GNAQ: variants seen among roughly 807,000 people sequenced by gnomAD.
GNAQ encodes guanine nucleotide-binding protein G(q) subunit alpha.
In GNAQ, 8 loss-of-function variants were observed where a neutral mutation model predicts 43.9. The ratio of observed to expected loss-of-function variants is 0.18; its 90% CI spans 0.11 to 0.33. GNAQ has a LOEUF of 0.33. Ranked by LOEUF, GNAQ falls within the 10% of genes least tolerant of loss-of-function variation. The probability of loss-of-function intolerance (pLI) is 1.00; values close to 1 mark genes in which losing one functional copy is unlikely to be tolerated. For synonymous variants in GNAQ, 155 were observed against 170.7 expected (o/e 0.91, Z 0.71); for missense variants, 158 against 450.8 (o/e 0.35, Z 5.88).
rs1825247246 is a variant in GNAQ, at chr9:77,717,672, A to G, written c.*3651T>C. On this transcript the variant is annotated 3_prime_UTR_variant, in exon 7 of 7. Transcript: ENST00000286548. ...CAATCAAGATAGTCTGAAGTACAAA[A>G]AAGTAAATTGCCCTTTAGCTGAATT... 4.3e-6 allele frequency: 1 copy of G among 232,396 alleles called. No homozygotes were observed. The highest frequency in any genetic ancestry group is 5.6e-5 in the Admixed American group (1 of 17,762). The allele number at this position is 232,396 out of a possible 1,614,324, so 14.4% of individuals were successfully genotyped here.
At chr9:77,883,737 A>G (rs565970374) in intron 2 of GNAQ, among the ~76,000 whole-genome samples, 4 of 151,990 alleles carry the variant, frequency 2.6e-5, no homozygotes, top group Non-Finnish European at 5.9e-5. Flanking sequence ...GGACCAGGGT[A>G]CAATCAGAGT....
intron 1 of GNAQ, among the ~76,000 whole-genome samples, chr9:77,975,532 C>A (rs1029431586): frequency 7.1e-6 from 1 of 140,616 alleles, no homozygotes; most frequent in East Asian, 2.2e-4. Flanking sequence ...GTTATCAGCC[C>A]CCCCTTTTTT....
At position 77,797,549 on chromosome 9, in the gene GNAQ, G is replaced by A. The variant is rs2118455361; in HGVS notation, c.576C>T (p.Tyr192=). Residue 192 remains tyrosine, a synonymous_variant, in exon 4 of 7, where the codon TAC becomes TAT. Transcript: ENST00000286548. ...VRVPTTGIIE[Y]PFDLQSVIFR... ...AAATGACACTTTGTAAGTCAAAGGG[G>A]TATTCGATGATCCCTGTGGTGGGGA... The A allele has an allele frequency of 6.2e-7, 1 of 1,612,496 alleles. No homozygotes were observed. Among genetic ancestry groups the A allele is most frequent in the South Asian group, 1.1e-5 (1 of 91,038 alleles).
chr9:77,907,859 A>C (rs1828736507), intron 2 of GNAQ, among the ~76,000 whole-genome samples: 1 of 152,164 alleles, frequency 6.6e-6, no homozygotes, highest in Non-Finnish European at 1.5e-5. Flanking sequence ...AGACAGCTGG[A>C]GTGGCCACAG....
At chr9:77,840,257 T>C (rs1827466642) in intron 2 of GNAQ, among the ~76,000 whole-genome samples, 1 of 152,154 alleles carries the variant, frequency 6.6e-6, no homozygotes, top group Admixed American at 6.5e-5. Flanking sequence ...CAAAAAACAA[T>C]GAATGAATTA....
At chr9:77,831,342 A>G (rs922955365) in intron 2 of GNAQ, among the ~76,000 whole-genome samples, 1 of 152,182 alleles carries the variant, frequency 6.6e-6, no homozygotes, top group Non-Finnish European at 1.5e-5. Flanking sequence ...AATTAGGACC[A>G]TATGCAGTTT....
intron 1 of GNAQ, among the ~76,000 whole-genome samples, chr9:77,998,059 C>T (rs956706781): frequency 5.9e-5 from 9 of 152,284 alleles, no homozygotes; most frequent in African/African-American, 2.2e-4. Context: ...CATACACACA[C>T]ACACGCACAC....
chr9:78,001,013 G>T lies in GNAQ; in HGVS notation c.136+30087C>A, dbSNP rs970938667. 2.6e-5 allele frequency among the ~76,000 whole-genome samples: 4 copies of T among 152,272 alleles called. No homozygotes were observed. In the East Asian group the frequency reaches 5.8e-4, roughly 22 times the overall value. On this transcript the variant is annotated intron_variant, in intron 1 of 6. Transcript: ENST00000286548. ...ATCAGAGCAGCACGCAAATCTGACAGAAAACAGCAAATAAAGAAATTAAAC... is the reference window on the plus strand; with the variant it reads ...ATCAGAGCAGCACGCAAATCTGACATAAAACAGCAAATAAAGAAATTAAAC...
rs181753425 is a variant in GNAQ, at chr9:78,019,797, G to A, written c.136+11303C>T. Among the ~76,000 whole-genome samples, 78 of 151,794 alleles carry A rather than the reference G, an allele frequency of 5.1e-4. 2 individuals are homozygous for A. The South Asian group carries it at 6.2e-3, about 12-fold the overall frequency. On this transcript the variant is annotated intron_variant, in intron 1 of 6. Coordinates refer to ENST00000286548, the MANE Select transcript of GNAQ (RefSeq NM_002072.5). ...AAATTAGCCAGGCATGGTGGCAGGC[G>A]CCTGTAATCCCAGCTACTTGGGAGG...
intron 5 of GNAQ, among the ~76,000 whole-genome samples, chr9:77,790,711 T>C (rs1244230429): frequency 1.3e-5 from 2 of 152,148 alleles, no homozygotes; most frequent in African/African-American, 4.8e-5. Context: ...TAAGTTTGTC[T>C]CTAACATCTA....
intron 4 of GNAQ, among the ~76,000 whole-genome samples, chr9:77,795,956 C>T (rs1028457422): frequency 6.6e-6 from 1 of 152,070 alleles, no homozygotes; most frequent in Non-Finnish European, 1.5e-5. Context: ...CCACTAATTG[C>T]GAAGCAATAA....
At chr9:77,982,701 C>A (rs1024853251) in intron 1 of GNAQ, among the ~76,000 whole-genome samples, 4 of 150,990 alleles carry the variant, frequency 2.6e-5, no homozygotes, top group African/African-American at 9.8e-5. Context: ...TTAATGAATC[C>A]TCTACCTGTA....
chr9:77,734,249 C>A (rs1825538826), intron 5 of GNAQ, among the ~76,000 whole-genome samples: 1 of 152,138 alleles, frequency 6.6e-6, no homozygotes, highest in African/African-American at 2.4e-5. Flanking sequence ...CATTATCTTG[C>A]CAATAAGAAC....
chr9:77,740,851 G>A (rs1046545042), intron 5 of GNAQ, among the ~76,000 whole-genome samples: 3 of 152,136 alleles, frequency 2.0e-5, no homozygotes, highest in African/African-American at 7.2e-5. Context: ...TGTGTAAAAG[G>A]CACTGGCAAG....
chr9:77,833,001 C>T (rs910649753), intron 2 of GNAQ, among the ~76,000 whole-genome samples: 4 of 152,160 alleles, frequency 2.6e-5, no homozygotes, highest in Non-Finnish European at 4.4e-5. Context: ...GATTCTCGCT[C>T]TATCTCCCAG....
chr9:78,007,583 T>C (rs994187046), intron 1 of GNAQ, among the ~76,000 whole-genome samples: 1 of 152,232 alleles, frequency 6.6e-6, no homozygotes. Context: ...TCAACAGATA[T>C]GAATTATGCT....
intron 2 of GNAQ, among the ~76,000 whole-genome samples, chr9:77,824,760 C>T (rs1199741655): frequency 7.0e-6 from 1 of 142,718 alleles, no homozygotes; most frequent in Non-Finnish European, 1.5e-5. Flanking sequence ...AGCTTCATCT[C>T]GATTCCATGA....
At chr9:77,995,485 T>C (rs1823557141) in intron 1 of GNAQ, among the ~76,000 whole-genome samples, 1 of 152,034 alleles carries the variant, frequency 6.6e-6, no homozygotes, top group Non-Finnish European at 1.5e-5. Flanking sequence ...CAGAAGCTTA[T>C]TAACATATAT....
chr9:78,016,908 T>C (rs992604782), intron 1 of GNAQ, among the ~76,000 whole-genome samples: 1 of 152,262 alleles, frequency 6.6e-6, no homozygotes, highest in South Asian at 2.1e-4. Flanking sequence ...ACCCATTAAA[T>C]AGACATAATC....
Sources: gnomAD v4.1 joint callset for allele counts (sites outside exome capture counted in the v4.1 genomes callset) on GRCh38, gnomAD v4.1.1 for gene constraint, MANE v1.5 for transcripts, NCBI Gene and HGNC (gene_info 2026-07-23, HGNC 2026-07-21) for gene names.